ZAN: variants seen among roughly 807,000 people sequenced by gnomAD.
ZAN encodes the protein zonadhesin.
Under a neutral mutation model 286.2 loss-of-function variants are expected in ZAN, and 260 were observed. That is an observed-to-expected ratio of 0.91 (90% CI 0.82 to 1.01). The LOEUF is 1.01. Among genes scored for constraint, ZAN ranks in the 50% least tolerant of loss-of-function variants. ZAN has a pLI of 0.00. For synonymous variants in ZAN, 1,368 were observed against 1,417.5 expected (o/e 0.97, Z 0.79); for missense variants, 3,410 against 3,639.2 (o/e 0.94, Z 1.62).
In ZAN at chr7:100,792,056, G is replaced by A. The variant is rs766186379; in HGVS notation, c.7620G>A (p.Ala2540=). The change falls in exon 41 of 48, where the codon GCG becomes GCA. Residue 2540 remains alanine (A), a synonymous_variant. Transcript: ENST00000613979. ...QVSECSPEQL[A]SNSTQACRVL... The stretch of plus-strand genomic sequence containing the variant: ...CCGAATGTAGCCCGGAGCAGCTGGC[G>A]AGCAACAGCACCCAGGCCTGTAGGG... 14 of 1,613,026 alleles carry A rather than the reference G, an allele frequency of 8.7e-6. No individual in the cohort carries two copies. Among genetic ancestry groups the A allele is most frequent in the South Asian group, 3.3e-5 (3 of 90,990 alleles).
At chr7:100,772,098 T>A in intron 29 of ZAN, 78 bp downstream of exon 29, 5 of 325,080 alleles carry the variant, frequency 1.5e-5, no homozygotes, top group Non-Finnish European at 2.1e-5. Context: ...CTCTAAATTC[T>A]TTTTTTTTTT....
Position 100,767,864 on chromosome 7 carries a change from C to T in ZAN, c.4894C>T (p.Leu1632Phe). The change falls in exon 26 of 48, where the codon CTT (leucine) becomes TTT (phenylalanine). Residue 1632 changes from leucine (L) to phenylalanine (F), a missense_variant. Coordinates refer to ENST00000613979, the MANE Select transcript of ZAN (RefSeq NM_003386.3). ...CCATCGGGTGGCCCTACCTGTGTGGCTTGCACAAGGCCGGGTGACCATAAG... is the reference window on the plus strand; with the variant it reads ...CCATCGGGTGGCCCTACCTGTGTGGTTTGCACAAGGCCGGGTGACCATAAG... ...NGHRVALPVWLAQGRVTIRLS... is the reference protein window; with the variant it reads ...NGHRVALPVWFAQGRVTIRLS... The T allele has an allele frequency of 6.2e-7, 1 of 1,613,862 alleles. No homozygotes were observed. Among genetic ancestry groups the T allele is most frequent in the Non-Finnish European group, 8.5e-7 (1 of 1,179,824 alleles).
chr7:100,783,378 G>C (rs1811315948), intron 35 of ZAN, among the ~76,000 whole-genome samples: 1 of 151,870 alleles, frequency 6.6e-6, no homozygotes, highest in Non-Finnish European at 1.5e-5. Flanking sequence ...TTTCTGGTTT[G>C]CTTATGTCTT....
chr7:100,765,385 TG>T lies in ZAN; in HGVS notation c.4302del (p.Cys1435ValfsTer57). On this transcript the variant is annotated frameshift_variant, in exon 23 of 48. Transcript: ENST00000613979. LOFTEE classifies it high-confidence loss of function. ...TGCCCGCCCAACAGCAAGTACTCCC[TG>T]TGTGCGAAGCCATGCCCTGACACCT... ...MACPPNSKYS[L>X]CAKPCPDTCH... The T allele has an allele frequency of 1.2e-6, 2 of 1,613,976 alleles. No individual in the cohort carries two copies. The highest frequency in any genetic ancestry group is 1.7e-6 in the Non-Finnish European group (2 of 1,179,872).
intron 16 of ZAN, 56 bp from the exon 17 acceptor site, chr7:100,758,475 G>T: frequency 1.3e-6 from 2 of 1,553,846 alleles, no homozygotes; most frequent in Non-Finnish European, 1.7e-6. Flanking sequence ...AGCATGTGCG[G>T]TCCAGCCTGG....
Position 100,773,462 on chromosome 7 carries a change from G to T in ZAN, c.5603G>T (p.Gly1868Val), listed in dbSNP as rs1299388485. ...GTSCVPLGQC[G>V]CTDPAGSYHP... ...TCCTGCGTGCCCCTTGGCCAGTGTGGCTGCACTGACCCAGCGGGCTCCTAC... is the reference window on the plus strand; with the variant it reads ...TCCTGCGTGCCCCTTGGCCAGTGTGTCTGCACTGACCCAGCGGGCTCCTAC... Residue 1868 changes from glycine (G) to valine (V), a missense_variant, in exon 30 of 48, where the codon GGC becomes GTC. Transcript: ENST00000613979. 2 of 1,613,748 alleles carry T rather than the reference G, an allele frequency of 1.2e-6. No individual in the cohort carries two copies. The highest frequency in any genetic ancestry group is 1.7e-5 in the Admixed American group (1 of 59,974).
intron 35 of ZAN, among the ~76,000 whole-genome samples, chr7:100,780,978 T>C (rs1312196272): frequency 2.0e-5 from 3 of 152,140 alleles, no homozygotes; most frequent in African/African-American, 7.2e-5. Context: ...CTCTGTGCTT[T>C]TGGAGTTTTG....
Position 100,789,107 on chromosome 7 carries a change from T to C in ZAN, c.7228-111T>C, listed in dbSNP as rs1811764647. ...AGCCCATTGGGGTATCTTATTCCACTCTCTGCACGGAGACATATGGAGATG... is the reference window on the plus strand; with the variant it reads ...AGCCCATTGGGGTATCTTATTCCACCCTCTGCACGGAGACATATGGAGATG... On this transcript the variant is annotated intron_variant, in intron 38 of 47. Coordinates refer to ENST00000613979, the MANE Select transcript of ZAN (RefSeq NM_003386.3). 2.1e-6 allele frequency: 3 copies of C among 1,432,380 alleles called. No homozygotes were observed. In the East Asian group the frequency reaches 7.3e-5, roughly 35 times the overall value. 88.7% of individuals were successfully genotyped at this position (1,432,380 alleles called of 1,614,324 possible).
In ZAN at chr7:100,736,872, GC is replaced by G. The variant is rs760889935; in HGVS notation, c.321del (p.Asp108ThrfsTer69). The G allele has an allele frequency of 6.7e-7, 1 of 1,485,566 alleles. No individual in the cohort carries two copies. 92.0% of individuals were successfully genotyped at this position (1,485,566 alleles called of 1,614,324 possible). On this transcript the variant is annotated frameshift_variant, in exon 5 of 48. Coordinates refer to ENST00000613979, the MANE Select transcript of ZAN (RefSeq NM_003386.3). LOFTEE classifies it high-confidence loss of function. ...FHRGGVARLL[S>X]PDLWEQGPLC... ...CGTGGGGGAGTGGCCCGCCTGCTCA[GC>G]CCCGACCTATGGGAGCAAGGCCCCC...
rs773283437 is a variant in ZAN at position 100,736,987 on chromosome 7, C to A, written c.432C>A (p.Arg144=). ...LLLLSGEEGR[R]PDVLWKHWNT... ...TGCTCTCGGGTGAAGAGGGCCGCCG[C>A]CCCGATGTGCTCTGGAAACACTGGA... Residue 144 remains arginine (R), a synonymous_variant, in exon 5 of 48, where the codon CGC becomes CGA. Coordinates refer to ENST00000613979, the MANE Select transcript of ZAN (RefSeq NM_003386.3). The A allele has an allele frequency of 4.0e-6, 6 of 1,502,660 alleles. 2 individuals carry two copies. Among genetic ancestry groups the A allele is most frequent in the Non-Finnish European group, 5.5e-6 (6 of 1,097,772 alleles). The allele number at this position is 1,502,660 out of a possible 1,614,324, so 93.1% of individuals were successfully genotyped here. A position where few individuals can be genotyped will look rare whatever the true frequency, so the allele number is the denominator to read the frequency against.
At chr7:100,774,371 A>C (rs960275121) in intron 31 of ZAN, among the ~76,000 whole-genome samples, 1 of 151,988 alleles carries the variant, frequency 6.6e-6, no homozygotes, top group African/African-American at 2.4e-5. Context: ...TCTCTAAATA[A>C]ATAAATCTTT....
intron 28 of ZAN, among the ~76,000 whole-genome samples, chr7:100,770,748 G>A (rs558962284): frequency 6.6e-6 from 1 of 151,336 alleles, no homozygotes; most frequent in Admixed American, 6.6e-5. Context: ...TTGAACTCCT[G>A]GGCTCAAGTA....
rs377559423 is a variant in ZAN, at chr7:100,758,653, A to G, written c.3571+3A>G. The stretch of plus-strand genomic sequence containing the variant: ...CCAGCCCTGTGGCAACTCAACAGGT[A>G]GGCCCTGGAGATGCCACTGCGGCCT... On this transcript the variant is annotated splice_donor_region_variant and intron_variant, in intron 17 of 47. Coordinates refer to ENST00000613979, the MANE Select transcript of ZAN (RefSeq NM_003386.3). 6 of 1,552,188 alleles carry G rather than the reference A, an allele frequency of 3.9e-6. No homozygotes were observed. In the African/African-American group the frequency reaches 6.8e-5, roughly 18 times the overall value.
At chr7:100,739,641 G>A (rs79471973) in intron 7 of ZAN, among the ~76,000 whole-genome samples, 2,374 of 133,594 alleles carry the variant, frequency 0.018, 327 homozygotes, top group African/African-American at 0.059. Context: ...ACTGTGCCCC[G>A]CCGTGAGTTA....
chr7:100,738,738 C>G (rs1463763557), intron 7 of ZAN, 125 bp downstream of exon 7: 3 of 1,128,688 alleles, frequency 2.7e-6, no homozygotes, highest in Non-Finnish European at 2.4e-6. Context: ...AAGTTTCACG[C>G]AAGAAGCTGA....
rs996907223 is a variant in ZAN at position 100,766,930 on chromosome 7, C to A, written c.4613-80C>A. The stretch of plus-strand genomic sequence containing the variant: ...GCCGTGGGGACCATGCCAATGTGGG[C>A]TCTCCAGGATGGCAGCTCTGAGTCA... On this transcript the variant is annotated intron_variant, in intron 24 of 47. Transcript: ENST00000613979. The A allele has an allele frequency of 6.3e-6, 10 of 1,575,544 alleles. No individual in the cohort carries two copies. The African/African-American group carries it at 1.3e-4, about 21-fold the overall frequency.
chr7:100,796,726 T>C (rs960884721), intron 45 of ZAN, among the ~76,000 whole-genome samples: 4 of 152,090 alleles, frequency 2.6e-5, no homozygotes, highest in Non-Finnish European at 5.9e-5. Flanking sequence ...AGAATCTGCA[T>C]TTTCAACAAG....
chr7:100,758,423 G>C (rs1809308730), intron 16 of ZAN, 80 bp downstream of exon 16: 3 of 1,588,378 alleles, frequency 1.9e-6, no homozygotes, highest in African/African-American at 2.7e-5. Context: ...TCCCTCGCTT[G>C]AGCAGAGGAT....
rs1432835482 is a variant in ZAN, at chr7:100,758,216, G to T, written c.3324G>T (p.Trp1108Cys). The change falls in exon 16 of 48, where the codon TGG becomes TGT. Residue 1108 changes from tryptophan to cysteine, a missense_variant. Trp to Cys is a radical substitution (Grantham distance 215). Coordinates refer to ENST00000613979, the MANE Select transcript of ZAN (RefSeq NM_003386.3). ...NNDYYEPGAE[W>C]FSPNCTEHCR... Reference sequence around the variant, plus strand: ...CTTTCTCCCAGCCTGGGGCAGAGTGGTTCAGCCCCAACTGCACAGAACATT... The same window carrying T: ...CTTTCTCCCAGCCTGGGGCAGAGTGTTTCAGCCCCAACTGCACAGAACATT... 7.4e-6 allele frequency: 12 copies of T among 1,613,084 alleles called. No individual in the cohort carries two copies. Among genetic ancestry groups the T allele is most frequent in the Non-Finnish European group, 1.0e-5 (12 of 1,179,712 alleles).
Sources: allele counts gnomAD v4.1 joint callset (sites outside exome capture counted in the v4.1 genomes callset), GRCh38; gene constraint gnomAD v4.1.1; transcripts MANE v1.5; gene names NCBI Gene and HGNC (gene_info 2026-07-23, HGNC 2026-07-21).